MYADM: variants seen among roughly 807,000 people sequenced by gnomAD.
MYADM encodes the protein myeloid associated differentiation marker, also known as myeloid-associated differentiation marker.
For synonymous variants in MYADM, 224 were observed against 210.2 expected (o/e 1.07, Z -0.57); for missense variants, 416 against 443.4 (o/e 0.94, Z 0.56).
At chr19:53,872,205 AT>A (rs888851393) in intron 2 of MYADM, among the ~76,000 whole-genome samples, 19 of 147,860 alleles carry the variant, frequency 1.3e-4, no homozygotes, top group Non-Finnish European at 2.4e-4. Flanking sequence ...AGATTATTTT[AT>A]TTTTTTTGAG....
At position 53,869,792 on chromosome 19, in the gene MYADM, C is replaced by T. The variant is rs2068326432; in HGVS notation, c.-49C>T. The T allele has an allele frequency of 6.5e-6, 1 of 153,576 alleles. No individual in the cohort carries two copies. The highest frequency in any genetic ancestry group is 2.4e-5 in the African/African-American group (1 of 41,424). 9.5% of individuals were successfully genotyped at this position (153,576 alleles called of 1,614,324 possible). ...CTGTTCCAAGTGTGGCTTAATCCGTCTCCACCACCAGATCTTTCTCCGTGG... is the reference window on the plus strand; with the variant it reads ...CTGTTCCAAGTGTGGCTTAATCCGTTTCCACCACCAGATCTTTCTCCGTGG... On this transcript the variant is annotated 5_prime_UTR_variant, in exon 2 of 3. Coordinates refer to ENST00000391770, the MANE Select transcript of MYADM (RefSeq NM_138373.5).
At position 53,874,460 on chromosome 19, in the gene MYADM, C is replaced by G; in HGVS notation, c.931C>G (p.Leu311Val). 1 of 1,612,646 alleles carries G rather than the reference C, an allele frequency of 6.2e-7. No individual in the cohort carries two copies. Among genetic ancestry groups the G allele is most frequent in the Admixed American group, 1.7e-5 (1 of 59,754 alleles). The change falls in exon 3 of 3, where the codon CTG becomes GTG. Residue 311 changes from leucine to valine, a missense_variant. Physicochemically the swap from Leu to Val is conservative, Grantham distance 32 (BLOSUM62 1). Transcript: ENST00000391770. ...AINLLAYVAD[L>V]VHSAHLVFVK... ...CAACCTACTGGCGTATGTGGCTGAC[C>G]TGGTGCACTCTGCCCACCTGGTTTT...
rs1031850575 is a variant in MYADM, at chr19:53,868,913, C to T, written c.-87-841C>T. On this transcript the variant is annotated intron_variant, in intron 1 of 2. Coordinates refer to ENST00000391770, the MANE Select transcript of MYADM (RefSeq NM_138373.5). The surrounding 1 kb of genome is among the most constrained non-coding windows in gnomAD (Gnocchi z 6.3). ...CCCCCTCCGCGGCTAGCCCACCTTC[C>T]GCGGGGGACAGAATGAGTGACGCCC... 1 of 152,182 alleles carries T rather than the reference C, an allele frequency of 6.6e-6. No individual in the cohort carries two copies. The highest frequency in any genetic ancestry group is 1.5e-5 in the Non-Finnish European group (1 of 68,066). The allele number at this position is 152,182 out of a possible 1,614,324, so 9.4% of individuals were successfully genotyped here. A position where few individuals can be genotyped will look rare whatever the true frequency, so the allele number is the denominator to read the frequency against.
In MYADM at chr19:53,873,760, C is replaced by T. The variant is rs760828185; in HGVS notation, c.231C>T (p.Ser77=). The change falls in exon 3 of 3, where the codon TCC becomes TCT. Residue 77 remains serine (S), a synonymous_variant. Transcript: ENST00000391770. The surrounding 1 kb of genome is among the most constrained non-coding windows in gnomAD (Gnocchi z 4.3). ...WSMFTWCFCF[S]VTLIILIVEL... is the part of the protein sequence containing the mutation. The stretch of plus-strand genomic sequence containing the variant: ...TGTTCACCTGGTGCTTCTGCTTCTC[C>T]GTGACCCTGATCATCCTCATCGTGG... 1.2e-5 allele frequency: 19 copies of T among 1,613,848 alleles called. No homozygotes were observed. The highest frequency in any genetic ancestry group is 2.2e-5 in the South Asian group (2 of 91,084).
chr19:53,874,690 T>G lies in MYADM; in HGVS notation c.*192T>G. On this transcript the variant is annotated 3_prime_UTR_variant, in exon 3 of 3. Transcript: ENST00000391770. ...TCTTGGATGCATCTTCTTCCTTCCC[T>G]TTCCTCTTGCTGTTTCCTTCCTGTG... The G allele has an allele frequency of 1.9e-6, 1 of 518,820 alleles. No homozygotes were observed. The highest frequency in any genetic ancestry group is 3.3e-6 in the Non-Finnish European group (1 of 301,456). 32.1% of individuals were successfully genotyped at this position (518,820 alleles called of 1,614,324 possible).
upstream of MYADM, among the ~76,000 whole-genome samples, chr19:53,867,718 C>G (rs2122887592): frequency 6.6e-6 from 1 of 152,268 alleles, no homozygotes; most frequent in African/African-American, 2.4e-5. Context: ...TACTTTTACT[C>G]TGGGGGGCGT....
In MYADM at chr19:53,873,568, C is replaced by T. The variant is rs2068437534; in HGVS notation, c.39C>T (p.Thr13=). Reference sequence around the variant, plus strand: ...TAACCCGCACCACCATCACAACCACCACGACGTCATCTTCGGGCCTGGGGT... The same window carrying T: ...TAACCCGCACCACCATCACAACCACTACGACGTCATCTTCGGGCCTGGGGT... ...VTVTRTTITT[T]TTSSSGLGSP... Residue 13 remains threonine, a synonymous_variant, in exon 3 of 3, where the codon ACC becomes ACT. Transcript: ENST00000391770. This position sits in a 1 kb window ranked among gnomAD's most constrained non-coding sequence, Gnocchi z 4.3. 1 of 1,611,240 alleles carries T rather than the reference C, an allele frequency of 6.2e-7. No homozygotes were observed. The highest frequency in any genetic ancestry group is 1.1e-5 in the South Asian group (1 of 91,006).
intron 2 of MYADM, among the ~76,000 whole-genome samples, chr19:53,872,221 A>G (rs1393698324): frequency 1.3e-5 from 2 of 149,300 alleles, no homozygotes; most frequent in Non-Finnish European, 3.0e-5. Flanking sequence ...TTTGAGGCGG[A>G]GTGTGGCTCT....
intron 2 of MYADM, among the ~76,000 whole-genome samples, chr19:53,871,920 T>G (rs1206045569): frequency 6.6e-6 from 1 of 152,028 alleles, no homozygotes; most frequent in African/African-American, 2.4e-5. Flanking sequence ...TTTTTTGAGA[T>G]GGAGTTTCAC....
chr19:53,874,777 T>TCG lies in MYADM; in HGVS notation c.*279_*280insCG. ...CTGTTTCTCTTTTTCTTTTCTTTTT[T>TCG]TTTTTTTTTTTTTTTTAAGACGGAT... On this transcript the variant is annotated 3_prime_UTR_variant, in exon 3 of 3. Coordinates refer to ENST00000391770, the MANE Select transcript of MYADM (RefSeq NM_138373.5). The TCG allele has an allele frequency of 6.0e-6, 1 of 166,884 alleles. No homozygotes were observed. Among genetic ancestry groups the TCG allele is most frequent in the Non-Finnish European group, 1.3e-5 (1 of 78,762 alleles). The allele number at this position is 166,884 out of a possible 1,614,324, so 10.3% of individuals were successfully genotyped here. A position where few individuals can be genotyped will look rare whatever the true frequency, so the allele number is the denominator to read the frequency against.
In MYADM at chr19:53,874,769, TTC is replaced by T; in HGVS notation, c.*273_*274del. The stretch of plus-strand genomic sequence containing the variant: ...CCCCTGAGCTGTTTCTCTTTTTCTT[TTC>T]TTTTTTTTTTTTTTTTTTTTTTAAG... On this transcript the variant is annotated 3_prime_UTR_variant, in exon 3 of 3. Coordinates refer to ENST00000391770, the MANE Select transcript of MYADM (RefSeq NM_138373.5). The T allele has an allele frequency of 2.1e-5, 3 of 142,596 alleles. No homozygotes were observed. The highest frequency in any genetic ancestry group is 2.7e-5 in the Non-Finnish European group (2 of 74,736). The allele number at this position is 142,596 out of a possible 1,614,324, so 8.8% of individuals were successfully genotyped here. A position where few individuals can be genotyped will look rare whatever the true frequency, so the allele number is the denominator to read the frequency against.
chr19:53,874,249 G>C lies in MYADM; in HGVS notation c.720G>C (p.Leu240=). 6.2e-7 allele frequency: 1 copy of C among 1,610,154 alleles called. No homozygotes were observed. Among genetic ancestry groups the C allele is most frequent in the South Asian group, 1.1e-5 (1 of 90,706 alleles). Residue 240 remains leucine, a synonymous_variant, in exon 3 of 3, where the codon CTG becomes CTC. Transcript: ENST00000391770. ...TACCCATCCCCTTCCCCAGCTTCCT[G>C]TCGGGGCTGGCCTTGCTGTCTGTCC... ...NVLPIPFPSF[L]SGLALLSVLL...
At chr19:53,872,514 T>A (rs10404559) in intron 2 of MYADM, among the ~76,000 whole-genome samples, 21,760 of 148,248 alleles carry the variant, frequency 0.15, 3,174 homozygotes, top group African/African-American at 0.38. Flanking sequence ...TTAAAAAAAA[T>A]TTTTTTTTTT....
Position 53,873,583 on chromosome 19 carries a change from G to A in MYADM, c.54G>A (p.Ser18=), listed in dbSNP as rs759466310. The A allele has an allele frequency of 3.1e-6, 5 of 1,612,354 alleles. No homozygotes were observed. Among genetic ancestry groups the A allele is most frequent in the African/African-American group, 1.3e-5 (1 of 74,918 alleles). Reference sequence around the variant, plus strand: ...TCACAACCACCACGACGTCATCTTCGGGCCTGGGGTCCCCCATGATCGTGG... The same window carrying A: ...TCACAACCACCACGACGTCATCTTCAGGCCTGGGGTCCCCCATGATCGTGG... ...TTITTTTTSS[S]GLGSPMIVGS... The change falls in exon 3 of 3, where the codon TCG becomes TCA. Residue 18 remains serine, a synonymous_variant. Coordinates refer to ENST00000391770, the MANE Select transcript of MYADM (RefSeq NM_138373.5). The surrounding 1 kb of genome is among the most constrained non-coding windows in gnomAD (Gnocchi z 4.3).
At chr19:53,867,507 AAAC>A (rs2068262657), upstream of MYADM, among the ~76,000 whole-genome samples, 1 of 152,106 alleles carries the variant, frequency 6.6e-6, no homozygotes, top group Admixed American at 6.5e-5. Flanking sequence ...GCTCTGCACT[AAAC>A]AAACCCTAAA....
In MYADM at chr19:53,873,034, C is replaced by T. The variant is rs920604712; in HGVS notation, c.-2-494C>T. Among the ~76,000 whole-genome samples, 4 of 152,082 alleles carry T rather than the reference C, an allele frequency of 2.6e-5. No individual in the cohort carries two copies. The highest frequency in any genetic ancestry group is 4.4e-5 in the Non-Finnish European group (3 of 68,028). On this transcript the variant is annotated intron_variant, in intron 2 of 2. Coordinates refer to ENST00000391770, the MANE Select transcript of MYADM (RefSeq NM_138373.5). This position sits in a 1 kb window ranked among gnomAD's most constrained non-coding sequence, Gnocchi z 4.3. Reference sequence around the variant, plus strand: ...AGTAGGGGAGGAGTGAGCCTTGAACCGGAGGGGACAGGCTCATCCCTGTAT... The same window carrying T: ...AGTAGGGGAGGAGTGAGCCTTGAACTGGAGGGGACAGGCTCATCCCTGTAT...
At position 53,874,030 on chromosome 19, in the gene MYADM, C is replaced by T. The variant is rs963903213; in HGVS notation, c.501C>T (p.Gly167=). The part of the protein sequence containing the change: ...WTRARPGEIT[G]YMATVPGLLK... ...GGGCCCGGCCCGGCGAGATCACTGG[C>T]TATATGGCCACCGTACCCGGGCTGC... The change falls in exon 3 of 3, where the codon GGC becomes GGT. Residue 167 remains glycine, a synonymous_variant. Coordinates refer to ENST00000391770, the MANE Select transcript of MYADM (RefSeq NM_138373.5). 1.2e-6 allele frequency: 2 copies of T among 1,609,096 alleles called. No individual in the cohort carries two copies. Among genetic ancestry groups the T allele is most frequent in the South Asian group, 1.1e-5 (1 of 91,096 alleles).
At chr19:53,869,649 A>T (rs530374329) in intron 1 of MYADM, 105 bp from the exon 2 acceptor site, 2 of 152,574 alleles carry the variant, frequency 1.3e-5, no homozygotes, top group Non-Finnish European at 2.9e-5. Flanking sequence ...GGTCACCGCC[A>T]GGGCCCTGCT....
At position 53,873,434 on chromosome 19, in the gene MYADM, C is replaced by A; in HGVS notation, c.-2-94C>A. On this transcript the variant is annotated intron_variant, in intron 2 of 2. Coordinates refer to ENST00000391770, the MANE Select transcript of MYADM (RefSeq NM_138373.5). The surrounding 1 kb of genome is among the most constrained non-coding windows in gnomAD (Gnocchi z 4.3). ...TCTTGGGAACTCCCTAATTAGAGCTCATATTAATTTGTCCCTGGGGTAGGC... is the reference window on the plus strand; with the variant it reads ...TCTTGGGAACTCCCTAATTAGAGCTAATATTAATTTGTCCCTGGGGTAGGC... 7.6e-7 allele frequency: 1 copy of A among 1,320,728 alleles called. No homozygotes were observed. Among genetic ancestry groups the A allele is most frequent in the Non-Finnish European group, 1.0e-6 (1 of 960,180 alleles). The allele number at this position is 1,320,728 out of a possible 1,614,324, so 81.8% of individuals were successfully genotyped here.
Sources: gnomAD v4.1 joint callset for allele counts (sites outside exome capture counted in the v4.1 genomes callset) on GRCh38, gnomAD v4.1.1 for gene constraint, Gnocchi (gnomAD v3.1) non-coding constraint, MANE v1.5 for transcripts, NCBI Gene and HGNC (gene_info 2026-07-23, HGNC 2026-07-21) for gene names.